The following GRIN3A variants were observed in gnomAD, a reference collection of about 807,000 sequenced individuals.
GRIN3A encodes the protein glutamate ionotropic receptor NMDA type subunit 3A.
A neutral mutation model predicts 92.4 loss-of-function variants in GRIN3A; 47 were observed. The ratio of observed to expected loss-of-function variants is 0.51; its 90% CI spans 0.40 to 0.65. GRIN3A has a LOEUF of 0.65. Among genes scored for constraint, GRIN3A ranks in the 30% least tolerant of loss-of-function variants. The probability of loss-of-function intolerance (pLI) is 0.00; values close to 1 mark genes in which losing one functional copy is unlikely to be tolerated. For missense variants in GRIN3A, 1,324 were observed against 1,393.1 expected (o/e 0.95, Z 0.79); for synonymous variants, 527 against 540.6 (o/e 0.97, Z 0.35).
Position 101,623,384 on chromosome 9 carries a change from C to A in GRIN3A, c.2548G>T (p.Asp850Tyr). The change falls in exon 5 of 9, where the codon GAT (aspartate) becomes TAT (tyrosine). Residue 850 changes from aspartate (D) to tyrosine (Y), a missense_variant. Coordinates refer to ENST00000361820, the MANE Select transcript of GRIN3A (RefSeq NM_133445.3). ...TCAGCATCTATTGACACTTCATAATCCAGAAGGGCTTTGTCCATGATGAAG... is the reference window on the plus strand; with the variant it reads ...TCAGCATCTATTGACACTTCATAATACAGAAGGGCTTTGTCCATGATGAAG... ...DAFIMDKALL[D>Y]YEVSIDADCK... is the part of the protein sequence containing the mutation. 1 of 1,613,884 alleles carries A rather than the reference C, an allele frequency of 6.2e-7. No individual in the cohort carries two copies. The highest frequency in any genetic ancestry group is 8.5e-7 in the Non-Finnish European group (1 of 1,179,784).
intron 1 of GRIN3A, among the ~76,000 whole-genome samples, chr9:101,713,553 G>C (rs1395379837): frequency 6.6e-6 from 1 of 152,180 alleles, no homozygotes; most frequent in African/African-American, 2.4e-5. Context: ...TCCAGCTTGG[G>C]TTACCAGAAT....
At chr9:101,580,356 A>G (rs1362957647) in intron 6 of GRIN3A, among the ~76,000 whole-genome samples, 1 of 152,186 alleles carries the variant, frequency 6.6e-6, no homozygotes, top group Non-Finnish European at 1.5e-5. Context: ...ATGTTAATCC[A>G]CTGTGCAAAT....
At chr9:101,632,722 G>A (rs775268354) in intron 3 of GRIN3A, among the ~76,000 whole-genome samples, 7 of 152,154 alleles carry the variant, frequency 4.6e-5, no homozygotes, top group Non-Finnish European at 1.0e-4. Context: ...AATCAGAAAA[G>A]GGATCTAAGA....
intron 5 of GRIN3A, among the ~76,000 whole-genome samples, chr9:101,618,561 GGATGTGGAGAA>G (rs1392168394): frequency 1.3e-5 from 2 of 152,144 alleles, no homozygotes; most frequent in Non-Finnish European, 2.9e-5. Flanking sequence ...GTGCTGGAGA[GGATGTGGAGAA>G]ATAGGAACAC....
At chr9:101,575,399 T>C (rs1827813150) in intron 8 of GRIN3A, among the ~76,000 whole-genome samples, 1 of 152,174 alleles carries the variant, frequency 6.6e-6, no homozygotes, top group African/African-American at 2.4e-5. Context: ...ATCTTGGTTG[T>C]GCTGTTATGT....
intron 1 of GRIN3A, among the ~76,000 whole-genome samples, chr9:101,726,916 TATA>T (rs1172999219): frequency 2.7e-4 from 41 of 152,114 alleles, no homozygotes; most frequent in Non-Finnish European, 4.4e-4. Context: ...GGGTAGAGGC[TATA>T]ATATTAGACA....
chr9:101,694,454 A>C (rs1212052336), intron 1 of GRIN3A, among the ~76,000 whole-genome samples: 1 of 152,148 alleles, frequency 6.6e-6, no homozygotes, highest in Non-Finnish European at 1.5e-5. Flanking sequence ...AGCTACCTGC[A>C]CCAAGCTTCT....
intron 1 of GRIN3A, among the ~76,000 whole-genome samples, chr9:101,708,623 A>G (rs1829838854): frequency 6.6e-6 from 1 of 152,172 alleles, no homozygotes; most frequent in Non-Finnish European, 1.5e-5. Context: ...AAGTATGGTA[A>G]TGGGTCATTT....
At chr9:101,598,631 A>T (rs1828171324) in intron 6 of GRIN3A, among the ~76,000 whole-genome samples, 1 of 152,180 alleles carries the variant, frequency 6.6e-6, no homozygotes, top group Non-Finnish European at 1.5e-5. Context: ...TAATGTCATT[A>T]TCATCATTGC....
chr9:101,668,481 C>T (rs190229504), intron 3 of GRIN3A, among the ~76,000 whole-genome samples: 1 of 152,104 alleles, frequency 6.6e-6, no homozygotes, highest in East Asian at 1.9e-4. Context: ...TGAAAACCTT[C>T]AGAAGATTTA....
chr9:101,625,188 A>G (rs990193616), intron 4 of GRIN3A, among the ~76,000 whole-genome samples: 19 of 152,082 alleles, frequency 1.2e-4, no homozygotes, highest in Non-Finnish European at 2.6e-4. Flanking sequence ...TTTTTTAAAA[A>G]TAAAAATATT....
intron 3 of GRIN3A, among the ~76,000 whole-genome samples, chr9:101,647,705 T>G (rs754874066): frequency 1.3e-5 from 2 of 151,984 alleles, no homozygotes; most frequent in Non-Finnish European, 2.9e-5. Flanking sequence ...TTTCTATTCC[T>G]TCATCATTTG....
intron 6 of GRIN3A, among the ~76,000 whole-genome samples, chr9:101,600,586 CAGA>C (rs1208405856): frequency 2.0e-5 from 3 of 152,046 alleles, no homozygotes; most frequent in Non-Finnish European, 4.4e-5. Context: ...TCTCAAGAAG[CAGA>C]AGAAGTTAAC....
At position 101,670,409 on chromosome 9, in the gene GRIN3A, G is replaced by A; in HGVS notation, c.2003C>T (p.Ala668Val). The A allele has an allele frequency of 6.2e-7, 1 of 1,614,024 alleles. No homozygotes were observed. Among genetic ancestry groups the A allele is most frequent in the Non-Finnish European group, 8.5e-7 (1 of 1,179,948 alleles). Residue 668 changes from alanine to valine, a missense_variant, in exon 3 of 9, where the codon GCC becomes GTC. By Grantham distance (64) the Ala-to-Val change is moderately conservative. Coordinates refer to ENST00000361820, the MANE Select transcript of GRIN3A (RefSeq NM_133445.3). ...RTRDTAAPIG[A>V]FMWPLHWTMW... ...TGTCCAGTGGAGTGGCCACATGAAGGCTCCAATGGGAGCTGCTGTATCTCG... is the reference window on the plus strand; with the variant it reads ...TGTCCAGTGGAGTGGCCACATGAAGACTCCAATGGGAGCTGCTGTATCTCG...
chr9:101,579,316 C>T lies in GRIN3A; in HGVS notation c.2811G>A (p.Leu937=), dbSNP rs764825528. 5.0e-6 allele frequency: 8 copies of T among 1,613,982 alleles called. No homozygotes were observed. Among genetic ancestry groups the T allele is most frequent in the Non-Finnish European group, 6.8e-6 (8 of 1,179,916 alleles). Reference sequence around the variant, plus strand: ...TGGACAGACCAAATCCAATGCACAGCAGCACAAAGAGCCCAGAGAAGTGTT... The same window carrying T: ...TGGACAGACCAAATCCAATGCACAGTAGCACAAAGAGCCCAGAGAAGTGTT... ...GIKHFSGLFV[L]LCIGFGLSIL... is the part of the protein sequence containing the mutation. The change falls in exon 7 of 9, where the codon CTG becomes CTA. Residue 937 remains leucine (L), a synonymous_variant. Transcript: ENST00000361820.
chr9:101,635,842 T>G (rs1287151785), intron 3 of GRIN3A, among the ~76,000 whole-genome samples: 1 of 152,220 alleles, frequency 6.6e-6, no homozygotes, highest in East Asian at 1.9e-4. Flanking sequence ...CCCGTAAGGC[T>G]GAGGTTATAA....
chr9:101,710,697 A>T (rs1829867236), intron 1 of GRIN3A, among the ~76,000 whole-genome samples: 1 of 152,208 alleles, frequency 6.6e-6, no homozygotes, highest in Admixed American at 6.5e-5. Context: ...CCCAGGTAGA[A>T]ATTTTGCCAA....
chr9:101,573,485 C>T lies in GRIN3A; in HGVS notation c.3037G>A (p.Val1013Ile), dbSNP rs80306210. ...TGACTCAGATTGGAAGTATTCCATA[C>T]GGTAAGCTGACGGGGTCCCACATTA... Reference protein sequence around the residue: ...RSNVGPRQLTVWNTSNLSHDN... With the variant: ...RSNVGPRQLTIWNTSNLSHDN... The change falls in exon 9 of 9, where the codon GTA becomes ATA. Residue 1013 changes from valine to isoleucine, a missense_variant. By Grantham distance (29) the Val-to-Ile change is conservative. Transcript: ENST00000361820. The T allele has an allele frequency of 2.4e-4, 393 of 1,613,930 alleles. 2 individuals are homozygous for T. The highest frequency in any genetic ancestry group is 3.0e-4 in the Non-Finnish European group (353 of 1,179,882).
Position 101,670,447 on chromosome 9 carries a change from G to A in GRIN3A, c.1965C>T (p.Ile655=), listed in dbSNP as rs766698521. The change falls in exon 3 of 9, where the codon ATC becomes ATT. Residue 655 remains isoleucine (I), a synonymous_variant. Coordinates refer to ENST00000361820, the MANE Select transcript of GRIN3A (RefSeq NM_133445.3). ...CTGCTGTATCTCGGGTCCTCACTAA[G>A]ATGCCCAAGCTGGTGGAGAAGAAAG... is the stretch of plus-strand genomic sequence containing the variant. The part of the protein sequence containing the change: ...TSPFFSTSLG[I]LVRTRDTAAP... The A allele has an allele frequency of 6.2e-7, 1 of 1,613,984 alleles. No individual in the cohort carries two copies.
Sources: gnomAD v4.1 joint callset for allele counts (sites outside exome capture counted in the v4.1 genomes callset) on GRCh38, gnomAD v4.1.1 for gene constraint, MANE v1.5 for transcripts, NCBI Gene and HGNC (gene_info 2026-07-23, HGNC 2026-07-21) for gene names.